COL7A1: variants seen among roughly 807,000 people sequenced by gnomAD.
COL7A1 encodes the protein collagen alpha-1(VII) chain.
A neutral mutation model predicts 456.2 loss-of-function variants in COL7A1; 296 were observed. The ratio of observed to expected loss-of-function variants is 0.65; its 90% CI spans 0.59 to 0.71. The LOEUF (loss-of-function observed/expected upper bound fraction) is 0.71, where lower values mean the gene tolerates loss of function less well. Among genes scored for constraint, COL7A1 ranks in the 30% least tolerant of loss-of-function variants. The pLI is 0.00. For synonymous variants in COL7A1, 1,464 were observed against 1,525.9 expected (o/e 0.96, Z 0.95); for missense variants, 3,441 against 4,017.2 (o/e 0.86, Z 3.88).
Position 48,588,238 on chromosome 3 carries a change from C to G in COL7A1, c.2710+44G>C. ...CTACCTTGCGGAGTCTGCCACAGCC[C>G]TGCCCCCAATGGTCCCTAACTTCCT... On this transcript the variant is annotated intron_variant, in intron 21 of 118. Coordinates refer to ENST00000681320, the MANE Select transcript of COL7A1 (RefSeq NM_000094.4). The surrounding 1 kb of genome is among the most constrained non-coding windows in gnomAD (Gnocchi z 4.6). The G allele has an allele frequency of 6.2e-7, 1 of 1,612,750 alleles. No homozygotes were observed. The highest frequency in any genetic ancestry group is 1.1e-5 in the South Asian group (1 of 91,072).
Position 48,589,364 on chromosome 3 carries a change from G to A in COL7A1, c.2277C>T (p.Gly759=), listed in dbSNP as rs144756110. 1.2e-4 allele frequency: 187 copies of A among 1,611,826 alleles called. No individual in the cohort carries two copies. Among genetic ancestry groups the A allele is most frequent in the Middle Eastern group, 3.5e-4 (2 of 5,680 alleles). Reference sequence around the variant, plus strand: ...CCACAGAGGCAGGGGGCCCATCCACGCCAGCCACATGGGCCCTCACATGCA... The same window carrying A: ...CCACAGAGGCAGGGGGCCCATCCACACCAGCCACATGGGCCCTCACATGCA... ...YTVHVRAHVA[G]VDGPPASVVV... The change falls in exon 18 of 119, where the codon GGC becomes GGT. Residue 759 remains glycine (G), a synonymous_variant. Coordinates refer to ENST00000681320, the MANE Select transcript of COL7A1 (RefSeq NM_000094.4).
Position 48,565,239 on chromosome 3 carries a change from C to T in COL7A1, c.8528-38G>A, listed in dbSNP as rs746827485. 1 of 1,591,884 alleles carries T rather than the reference C, an allele frequency of 6.3e-7. No individual in the cohort carries two copies. The highest frequency in any genetic ancestry group is 8.6e-7 in the Non-Finnish European group (1 of 1,163,750). On this transcript the variant is annotated intron_variant, in intron 116 of 118. Transcript: ENST00000681320. The surrounding 1 kb of genome is among the most constrained non-coding windows in gnomAD (Gnocchi z 4.5). ...CAGGGTGTGCTGGGAGCAGTGGCTGCTGGCCCCGGGGCAAGGTGGGCAGCA... is the reference window on the plus strand; with the variant it reads ...CAGGGTGTGCTGGGAGCAGTGGCTGTTGGCCCCGGGGCAAGGTGGGCAGCA...
At position 48,591,723 on chromosome 3, in the gene COL7A1, G is replaced by A. The variant is rs957507108; in HGVS notation, c.1457C>T (p.Thr486Ile). ...PGTEYRLTLY[T>I]LLEGHEVATP... Reference sequence around the variant, plus strand: ...GGCCACCTCGTGGCCCTCCAGCAGAGTGTAGAGTGTGAGGCGGTACTCAGT... The same window carrying A: ...GGCCACCTCGTGGCCCTCCAGCAGAATGTAGAGTGTGAGGCGGTACTCAGT... Residue 486 changes from threonine to isoleucine, a missense_variant, in exon 12 of 119, where the codon ACT becomes ATT. Around this residue, in one of 3 missense-constraint regions of COL7A1, gnomAD observed 913 missense variants for 1,088.2 expected, o/e 0.84. Coordinates refer to ENST00000681320, the MANE Select transcript of COL7A1 (RefSeq NM_000094.4). The surrounding 1 kb of genome is among the most constrained non-coding windows in gnomAD (Gnocchi z 7.0). 1.9e-6 allele frequency: 3 copies of A among 1,614,064 alleles called. No individual in the cohort carries two copies. The highest frequency in any genetic ancestry group is 2.5e-6 in the Non-Finnish European group (3 of 1,180,030).
Position 48,564,544 on chromosome 3 carries a change from G to T in COL7A1, c.8819-122C>A. The T allele has an allele frequency of 8.0e-7, 1 of 1,249,044 alleles. No homozygotes were observed. The highest frequency in any genetic ancestry group is 1.2e-6 in the Non-Finnish European group (1 of 869,128). The allele number at this position is 1,249,044 out of a possible 1,614,324, so 77.4% of individuals were successfully genotyped here. ...ACAGGAAGTGGGGGCTCTGACCTCA[G>T]AGGGGTCCATACTTAGGTCTTTAAA... On this transcript the variant is annotated intron_variant, in intron 118 of 118. Transcript: ENST00000681320. This position sits in a 1 kb window ranked among gnomAD's most constrained non-coding sequence, Gnocchi z 6.0.
In COL7A1 at chr3:48,592,669, G is replaced by C. The variant is rs201734662; in HGVS notation, c.877C>G (p.Arg293Gly). Residue 293 changes from arginine to glycine, a missense_variant, in exon 8 of 119, where the codon CGG becomes GGG. By Grantham distance (125) the Arg-to-Gly change is moderately radical. Transcript: ENST00000681320. This position sits in a 1 kb window ranked among gnomAD's most constrained non-coding sequence, Gnocchi z 7.6. ...GTCAGTGGCCGGAGACCCCGCAGCC[G>C]CACACTGGTCTCACCAGCTGGGACG... is the stretch of plus-strand genomic sequence containing the variant. ...VNVPAGETSV[R>G]LRGLRPLTEY... 6.2e-7 allele frequency: 1 copy of C among 1,613,588 alleles called. No homozygotes were observed. The highest frequency in any genetic ancestry group is 8.5e-7 in the Non-Finnish European group (1 of 1,179,968).
chr3:48,566,825 G>A lies in COL7A1; in HGVS notation c.8226+82C>T. On this transcript the variant is annotated intron_variant, in intron 111 of 118. Coordinates refer to ENST00000681320, the MANE Select transcript of COL7A1 (RefSeq NM_000094.4). The surrounding 1 kb of genome is among the most constrained non-coding windows in gnomAD (Gnocchi z 5.9). Reference sequence around the variant, plus strand: ...TGGGGGCCACAGCTTCAGAGGTTGGGGCAGGCAGGCTGGAAGATGGTTATG... The same window carrying A: ...TGGGGGCCACAGCTTCAGAGGTTGGAGCAGGCAGGCTGGAAGATGGTTATG... 1 of 1,585,084 alleles carries A rather than the reference G, an allele frequency of 6.3e-7. No homozygotes were observed. Among genetic ancestry groups the A allele is most frequent in the African/African-American group, 1.3e-5 (1 of 74,320 alleles).
rs1413339870 is a variant in COL7A1, at chr3:48,566,700, G to A, written c.8264C>T (p.Ala2755Val). Residue 2755 changes from alanine to valine, a missense_variant, in exon 112 of 119, where the codon GCT becomes GTT. Ala to Val is a moderately conservative substitution (Grantham distance 64). Coordinates refer to ENST00000681320, the MANE Select transcript of COL7A1 (RefSeq NM_000094.4). The surrounding 1 kb of genome is among the most constrained non-coding windows in gnomAD (Gnocchi z 5.9). Reference protein sequence around the residue: ...RGPPGERVVGAPGVPGAPGER... With the variant: ...RGPPGERVVGVPGVPGAPGER... ...GCCAGGAGCTCCAGGGACCCCAGGA[G>A]CCCCCACCACTCTCTCTCCGGGGGG... 1.2e-6 allele frequency: 2 copies of A among 1,613,614 alleles called. No homozygotes were observed. The highest frequency in any genetic ancestry group is 2.2e-5 in the East Asian group (1 of 44,794).
rs1450480489 is a variant in COL7A1 at position 48,593,104 on chromosome 3, G to C, written c.680C>G (p.Pro227Arg). The C allele has an allele frequency of 3.1e-6, 5 of 1,614,022 alleles. No homozygotes were observed. Among genetic ancestry groups the C allele is most frequent in the Non-Finnish European group, 4.2e-6 (5 of 1,180,028 alleles). The change falls in exon 6 of 119, where the codon CCT (proline) becomes CGT (arginine). Residue 227 changes from proline to arginine, a missense_variant and splice_region_variant. By Grantham distance (103) the Pro-to-Arg change is moderately radical. Around this residue, in one of 3 missense-constraint regions of COL7A1, gnomAD observed 913 missense variants for 1,088.2 expected, o/e 0.84. Coordinates refer to ENST00000681320, the MANE Select transcript of COL7A1 (RefSeq NM_000094.4). The surrounding 1 kb of genome is among the most constrained non-coding windows in gnomAD (Gnocchi z 4.4). ...ACACCGTGTGGGCAGGAACTCACGA[G>C]GTCGGGTCACAGGCACGCCACCAGC... Reference protein sequence around the residue: ...TTAGGVPVTRPPDDSTSAPRD... With the variant: ...TTAGGVPVTRRPDDSTSAPRD...
In COL7A1 at chr3:48,564,962, A is replaced by G; in HGVS notation, c.8639T>C (p.Leu2880Pro). The G allele has an allele frequency of 2.5e-6, 4 of 1,614,172 alleles. No individual in the cohort carries two copies. The highest frequency in any genetic ancestry group is 3.4e-6 in the Non-Finnish European group (4 of 1,180,008). Residue 2880 changes from leucine (L) to proline (P), a missense_variant, in exon 118 of 119, where the codon CTG becomes CCG. Leu to Pro is a moderately conservative substitution (Grantham distance 98, BLOSUM62 -3). This residue lies in a region of COL7A1 where 2,084 missense variants were observed against 2,501.3 expected (regional missense o/e 0.83). Transcript: ENST00000681320. The surrounding 1 kb of genome is among the most constrained non-coding windows in gnomAD (Gnocchi z 6.0). The stretch of plus-strand genomic sequence containing the variant: ...GTAGGCAGTGCAGGAGCCCTCATCC[A>G]GTGGCAGGGAACAGGGGTCTGGGCC... ...WDSDDPCSLPLDEGSCTAYTL... is the reference protein window; with the variant it reads ...WDSDDPCSLPPDEGSCTAYTL...
rs1553850631 is a variant in COL7A1 at position 48,568,748 on chromosome 3, A to ACGTGGG, written c.7758+35_7758+36insCCCACG. On this transcript the variant is annotated intron_variant, in intron 104 of 118. Coordinates refer to ENST00000681320, the MANE Select transcript of COL7A1 (RefSeq NM_000094.4). The surrounding 1 kb of genome is among the most constrained non-coding windows in gnomAD (Gnocchi z 5.2). ...TGTGTGTGTGTGATGCTGGCTCTGG[A>ACGTGGG]CCTGGGCCTGGGCCTGGGCCTGGGG... 2.6e-6 allele frequency: 4 copies of ACGTGGG among 1,551,040 alleles called. No homozygotes were observed. Among genetic ancestry groups the ACGTGGG allele is most frequent in the Admixed American group, 1.9e-5 (1 of 51,454 alleles).
In COL7A1 at chr3:48,588,082, C is replaced by G; in HGVS notation, c.2711-143G>C. On this transcript the variant is annotated intron_variant, in intron 21 of 118. Coordinates refer to ENST00000681320, the MANE Select transcript of COL7A1 (RefSeq NM_000094.4). This position sits in a 1 kb window ranked among gnomAD's most constrained non-coding sequence, Gnocchi z 4.6. ...TCCTCATCCTCACTGACCCTGCCCA[C>G]TTTACGGACCCTGCCAGACTGACCC... The G allele has an allele frequency of 1.5e-6, 2 of 1,319,272 alleles. No homozygotes were observed. The highest frequency in any genetic ancestry group is 1.5e-5 in the African/African-American group (1 of 68,752). 81.7% of individuals were successfully genotyped at this position (1,319,272 alleles called of 1,614,324 possible).
In COL7A1 at chr3:48,585,098, C is replaced by T. The variant is rs1321932387; in HGVS notation, c.3913G>A (p.Gly1305Arg). Residue 1305 changes from glycine to arginine, a missense_variant, in exon 33 of 119, where the codon GGG (glycine) becomes AGG (arginine). By Grantham distance (125) the Gly-to-Arg change is moderately radical (BLOSUM62 -2). Transcript: ENST00000681320. This position sits in a 1 kb window ranked among gnomAD's most constrained non-coding sequence, Gnocchi z 4.5. ...KGERGFPGAD[G>R]RPGSPGRAGN... is the part of the protein sequence containing the mutation. ...GCGCGGCCAGGGCTGCCTGGACGCCCATCTGCTCCAGGGAAGCCCTGAGGA... is the reference window on the plus strand; with the variant it reads ...GCGCGGCCAGGGCTGCCTGGACGCCTATCTGCTCCAGGGAAGCCCTGAGGA... 1.2e-6 allele frequency: 2 copies of T among 1,611,576 alleles called. No individual in the cohort carries two copies. Among genetic ancestry groups the T allele is most frequent in the Non-Finnish European group, 1.7e-6 (2 of 1,179,836 alleles).
In COL7A1 at chr3:48,594,211, T is replaced by A. The variant is rs1022307705; in HGVS notation, c.266+157A>T. Reference sequence around the variant, plus strand: ...AGGTTCTACCTAGGGAATCCTTACCTCTGTCTCCAAAGGAGGTCCTGGCTA... The same window carrying A: ...AGGTTCTACCTAGGGAATCCTTACCACTGTCTCCAAAGGAGGTCCTGGCTA... On this transcript the variant is annotated intron_variant, in intron 3 of 118. Coordinates refer to ENST00000681320, the MANE Select transcript of COL7A1 (RefSeq NM_000094.4). The surrounding 1 kb of genome is among the most constrained non-coding windows in gnomAD (Gnocchi z 5.5). Among the ~76,000 whole-genome samples, 1 of 152,162 alleles carries A rather than the reference T, an allele frequency of 6.6e-6. No homozygotes were observed. Among genetic ancestry groups the A allele is most frequent in the Non-Finnish European group, 1.5e-5 (1 of 67,992 alleles).
Position 48,568,264 on chromosome 3 carries a change from G to C in COL7A1, c.7795-94C>G. ...AGTGGGTAGGGAACACCATGGGGTG[G>C]GAGTCACCTCTGGAGGCCAGAGCCA... On this transcript the variant is annotated intron_variant, in intron 105 of 118. Transcript: ENST00000681320. The surrounding 1 kb of genome is among the most constrained non-coding windows in gnomAD (Gnocchi z 5.2). 7.0e-7 allele frequency: 1 copy of C among 1,431,906 alleles called. No homozygotes were observed. The highest frequency in any genetic ancestry group is 9.7e-7 in the Non-Finnish European group (1 of 1,027,282). 88.7% of individuals were successfully genotyped at this position (1,431,906 alleles called of 1,614,324 possible).
rs371145958 is a variant in COL7A1, at chr3:48,592,176, G to A, written c.1166C>T (p.Thr389Met). ...SVLLRDLEPG[T>M]DYEVTVSTLF... is the part of the protein sequence containing the mutation. ...GGTGCTCACGGTCACCTCATAGTCCGTGCCAGGCTCCAAGTCACGCAGCAA... is the reference window on the plus strand; with the variant it reads ...GGTGCTCACGGTCACCTCATAGTCCATGCCAGGCTCCAAGTCACGCAGCAA... Residue 389 changes from threonine (T) to methionine (M), a missense_variant, in exon 10 of 119, where the codon ACG becomes ATG. Around this residue, in one of 3 missense-constraint regions of COL7A1, gnomAD observed 913 missense variants for 1,088.2 expected, o/e 0.84. Coordinates refer to ENST00000681320, the MANE Select transcript of COL7A1 (RefSeq NM_000094.4). The surrounding 1 kb of genome is among the most constrained non-coding windows in gnomAD (Gnocchi z 7.6). The A allele has an allele frequency of 2.2e-5, 36 of 1,614,116 alleles. No homozygotes were observed. Among genetic ancestry groups the A allele is most frequent in the South Asian group, 1.9e-4 (17 of 91,084 alleles).
rs2044918446 is a variant in COL7A1, at chr3:48,583,273, C to T, written c.4438-102G>A. 2 of 1,604,270 alleles carry T rather than the reference C, an allele frequency of 1.2e-6. No homozygotes were observed. Among genetic ancestry groups the T allele is most frequent in the Non-Finnish European group, 1.7e-6 (2 of 1,173,910 alleles). ...GGGTCCCAAACTCCAACCACCCCCT[C>T]CAAAACCACGACCTCTGACCTGGAG... On this transcript the variant is annotated intron_variant, in intron 42 of 118. Transcript: ENST00000681320. The surrounding 1 kb of genome is among the most constrained non-coding windows in gnomAD (Gnocchi z 5.1).
In COL7A1 at chr3:48,575,629, CTT is replaced by C; in HGVS notation, c.5974_5975del (p.Lys1992GlyfsTer106). 6.2e-7 allele frequency: 1 copy of C among 1,613,344 alleles called. No homozygotes were observed. The highest frequency in any genetic ancestry group is 8.5e-7 in the Non-Finnish European group (1 of 1,180,004). On this transcript the variant is annotated frameshift_variant, in exon 73 of 119. Coordinates refer to ENST00000681320, the MANE Select transcript of COL7A1 (RefSeq NM_000094.4). LOFTEE classifies it high-confidence loss of function. This position sits in a 1 kb window ranked among gnomAD's most constrained non-coding sequence, Gnocchi z 6.3. ...GDSGEQGPPG[K>X]EGPIGFPGER... ...CCACTGAGCCACTTCTGCTCACCTC[CTT>C]GCCTGGGGGGCCCTGTTCGCCTGAG...
In COL7A1 at chr3:48,594,407, C is replaced by A. The variant is rs1420002915; in HGVS notation, c.227G>T (p.Gly76Val). 2 of 1,611,668 alleles carry A rather than the reference C, an allele frequency of 1.2e-6. No homozygotes were observed. Among genetic ancestry groups the A allele is most frequent in the Non-Finnish European group, 1.7e-6 (2 of 1,180,042 alleles). Reference protein sequence around the residue: ...LPFSGAASAQGVRFATVQYSD... With the variant: ...LPFSGAASAQVVRFATVQYSD... ...GTACTGCACTGTGGCAAAGCGCACA[C>A]CCTGTGCACTGGCTGCTCCAGAGAA... Residue 76 changes from glycine (G) to valine (V), a missense_variant, in exon 3 of 119, where the codon GGT becomes GTT. Physicochemically the swap from Gly to Val is moderately radical, Grantham distance 109. This residue lies in a region of COL7A1 where 913 missense variants were observed against 1,088.2 expected (regional missense o/e 0.84). Coordinates refer to ENST00000681320, the MANE Select transcript of COL7A1 (RefSeq NM_000094.4). The surrounding 1 kb of genome is among the most constrained non-coding windows in gnomAD (Gnocchi z 5.5).
chr3:48,571,333 C>A lies in COL7A1; in HGVS notation c.7069-55G>T, dbSNP rs935168685. On this transcript the variant is annotated intron_variant, in intron 92 of 118. Coordinates refer to ENST00000681320, the MANE Select transcript of COL7A1 (RefSeq NM_000094.4). This position sits in a 1 kb window ranked among gnomAD's most constrained non-coding sequence, Gnocchi z 4.6. Reference sequence around the variant, plus strand: ...AGGGTAGGAACATGAGCACAGAGTTCAGACACGGGCTGAAAATATTCCCAG... The same window carrying A: ...AGGGTAGGAACATGAGCACAGAGTTAAGACACGGGCTGAAAATATTCCCAG... 3 of 1,603,198 alleles carry A rather than the reference C, an allele frequency of 1.9e-6. No homozygotes were observed. Among genetic ancestry groups the A allele is most frequent in the Admixed American group, 1.7e-5 (1 of 59,870 alleles).
Sources: gnomAD v4.1 joint callset for allele counts (sites outside exome capture counted in the v4.1 genomes callset) on GRCh38, gnomAD v4.1.1 for gene constraint, gnomAD v4.1.1 regional missense constraint, Gnocchi (gnomAD v3.1) non-coding constraint, MANE v1.5 for transcripts, NCBI Gene and HGNC (gene_info 2026-07-23, HGNC 2026-07-21) for gene names.